Variants in UGT1A3 observed in about 807,000 individuals in gnomAD.
The protein encoded by UGT1A3 is UDP glucuronosyltransferase family 1 member A3.
UGT1A3 carries 31 observed loss-of-function variants against 41.0 expected under a neutral mutation model. That is an observed-to-expected ratio of 0.76 (90% confidence interval 0.57 to 1.02). UGT1A3 has a LOEUF of 1.02. UGT1A3 is among the 50% of genes least tolerant of loss of function. UGT1A3 has a pLI of 0.00. For synonymous variants in UGT1A3, 262 were observed against 257.6 expected (o/e 1.02, Z -0.17); for missense variants, 737 against 671.0 (o/e 1.10, Z -1.09).
chr2:233,744,004 C>A, intron 1 of UGT1A3: 1 of 1,163,748 alleles, frequency 8.6e-7, no homozygotes, highest in Non-Finnish European at 1.1e-6. Context: ...TGCTCGGAGA[C>A]CTGGGCCGCC....
intron 1 of UGT1A3, among the ~76,000 whole-genome samples, chr2:233,739,419 C>T (rs1027033873): frequency 2.0e-5 from 3 of 152,176 alleles, no homozygotes; most frequent in African/African-American, 4.8e-5. Flanking sequence ...TGAAAGCAGC[C>T]AGGACGAGGG....
intron 1 of UGT1A3, among the ~76,000 whole-genome samples, chr2:233,752,117 A>T (rs910162092): frequency 3.9e-5 from 6 of 152,242 alleles, no homozygotes. Context: ...GAGGAGAAGA[A>T]GATGATGGAC....
At chr2:233,762,567 G>A (rs1279617671) in intron 1 of UGT1A3, among the ~76,000 whole-genome samples, 2 of 152,176 alleles carry the variant, frequency 1.3e-5, no homozygotes, top group Non-Finnish European at 2.9e-5. Flanking sequence ...ATCTAGTCTA[G>A]TTCCCCACAG....
Position 233,729,669 on chromosome 2 carries a change from C to T in UGT1A3, c.543C>T (p.Asp181=). The change falls in exon 1 of 5, where the codon GAC becomes GAT. Residue 181 remains aspartate, a synonymous_variant. Coordinates refer to ENST00000482026, the MANE Select transcript of UGT1A3 (RefSeq NM_019093.4). ...FFLRNIPCDL[D]FKGTQCPNPS... is the part of the protein sequence containing the mutation. ...TGAGGAACATTCCATGTGATTTAGA[C>T]TTTAAGGGCACACAGTGTCCAAACC... 1 of 1,613,910 alleles carries T rather than the reference C, an allele frequency of 6.2e-7. No homozygotes were observed. Among genetic ancestry groups the T allele is most frequent in the Non-Finnish European group, 8.5e-7 (1 of 1,179,856 alleles).
At chr2:233,742,031 C>T (rs1309709104) in intron 1 of UGT1A3, 1 of 151,878 alleles carries the variant, frequency 6.6e-6, no homozygotes, top group African/African-American at 2.4e-5. Context: ...TTTGATATGT[C>T]CCAAGCATAG....
At chr2:233,762,169 G>A (rs1019594932) in intron 1 of UGT1A3, among the ~76,000 whole-genome samples, 34 of 152,020 alleles carry the variant, frequency 2.2e-4, no homozygotes, top group Non-Finnish European at 2.4e-4. Flanking sequence ...CACTGTATGC[G>A]GCGTCCTCAA....
In UGT1A3 at chr2:233,760,331, T is replaced by G. The variant is rs111033541; in HGVS notation, c.868-6703T>G. ...GGCGGACGCCCACTTGTCCTGGGCCTGCTGCTGTGTGTGCTGGGCCCAGTG... is the reference window on the plus strand; with the variant it reads ...GGCGGACGCCCACTTGTCCTGGGCCGGCTGCTGTGTGTGCTGGGCCCAGTG... On this transcript the variant is annotated intron_variant, in intron 1 of 4. Transcript: ENST00000482026. 1.9e-6 allele frequency: 3 copies of G among 1,614,080 alleles called. No individual in the cohort carries two copies. Among genetic ancestry groups the G allele is most frequent in the Non-Finnish European group, 2.5e-6 (3 of 1,179,954 alleles).
chr2:233,747,367 A>T (rs752238909), intron 1 of UGT1A3: 40 of 1,604,286 alleles, frequency 2.5e-5, no homozygotes, highest in Non-Finnish European at 3.4e-5. Context: ...CGGGAGCTCC[A>T]TGCCAGAGGC....
At chr2:233,740,578 C>A (rs1384729734) in intron 1 of UGT1A3, 2 of 151,730 alleles carry the variant, frequency 1.3e-5, no homozygotes, top group Non-Finnish European at 2.9e-5. Flanking sequence ...TTTTTTGGGA[C>A]CCTAATGAAA....
Position 233,729,783 on chromosome 2 carries a change from C to T in UGT1A3, c.657C>T (p.Ala219=), listed in dbSNP as rs761502728. The change falls in exon 1 of 5, where the codon GCC becomes GCT. Residue 219 remains alanine, a synonymous_variant. Coordinates refer to ENST00000482026, the MANE Select transcript of UGT1A3 (RefSeq NM_019093.4). ...QRVKNMLYPL[A]LSYICHAFSA... is the part of the protein sequence containing the mutation. Reference sequence around the variant, plus strand: ...TCAAGAACATGCTCTACCCTCTGGCCCTGTCCTACATTTGCCATGCTTTTT... The same window carrying T: ...TCAAGAACATGCTCTACCCTCTGGCTCTGTCCTACATTTGCCATGCTTTTT... 6 of 1,613,820 alleles carry T rather than the reference C, an allele frequency of 3.7e-6. No homozygotes were observed. In the Admixed American group the frequency reaches 8.3e-5, roughly 22 times the overall value.
intron 1 of UGT1A3, among the ~76,000 whole-genome samples, chr2:233,759,845 G>C (rs1454775636): frequency 6.6e-6 from 1 of 152,146 alleles, no homozygotes; most frequent in Non-Finnish European, 1.5e-5. Context: ...CACTCTTACA[G>C]GTTTCCATGG....
chr2:233,761,872 G>A (rs1697885478), intron 1 of UGT1A3, among the ~76,000 whole-genome samples: 1 of 152,232 alleles, frequency 6.6e-6, no homozygotes, highest in Admixed American at 6.5e-5. Context: ...ATTTCAGAGA[G>A]CGTTCATTCA....
At chr2:233,763,737 C>T (rs1348809742) in intron 1 of UGT1A3, among the ~76,000 whole-genome samples, 2 of 152,090 alleles carry the variant, frequency 1.3e-5, no homozygotes, top group East Asian at 1.9e-4. Context: ...CTGGCATTGG[C>T]GTGTCTTTGG....
chr2:233,760,217 A>G, intron 1 of UGT1A3: 3 of 1,593,674 alleles, frequency 1.9e-6, no homozygotes, highest in Non-Finnish European at 2.6e-6. Context: ...AACTTGGTGT[A>G]TCGATTGGTT....
chr2:233,731,991 A>G (rs989443870), intron 1 of UGT1A3, among the ~76,000 whole-genome samples: 3 of 152,160 alleles, frequency 2.0e-5, no homozygotes, highest in Non-Finnish European at 2.9e-5. Context: ...CTGGCGTGAG[A>G]TGGTATCTCA....
intron 1 of UGT1A3, among the ~76,000 whole-genome samples, chr2:233,758,654 A>G (rs1263947791): frequency 6.6e-6 from 1 of 152,140 alleles, no homozygotes; most frequent in Non-Finnish European, 1.5e-5. Flanking sequence ...ATGAGAGGGT[A>G]CCCTAATTAC....
rs1375960685 is a variant in UGT1A3 at position 233,768,542 on chromosome 2, T to C, written c.1307+103T>C. On this transcript the variant is annotated intron_variant, in intron 4 of 4. Coordinates refer to ENST00000482026, the MANE Select transcript of UGT1A3 (RefSeq NM_019093.4). ...TAGCATTTAATAGCGTTGTTTCAAA[T>C]ATAAAAACAAATACATAAAAATCTG... 2.1e-6 allele frequency: 3 copies of C among 1,457,940 alleles called. No individual in the cohort carries two copies. In the African/African-American group the frequency reaches 4.3e-5, roughly 21 times the overall value. The allele number at this position is 1,457,940 out of a possible 1,614,324, so 90.3% of individuals were successfully genotyped here.
chr2:233,759,541 C>A (rs1020987350), intron 1 of UGT1A3, among the ~76,000 whole-genome samples: 1 of 152,092 alleles, frequency 6.6e-6, no homozygotes, highest in Non-Finnish European at 1.5e-5. Flanking sequence ...TGTTCACATG[C>A]GCTCCAGTGA....
chr2:233,729,424 T>C lies in UGT1A3; in HGVS notation c.298T>C (p.Tyr100His), dbSNP rs371703949. 59 of 1,613,782 alleles carry C rather than the reference T, an allele frequency of 3.7e-5. No homozygotes were observed. The highest frequency in any genetic ancestry group is 4.8e-5 in the Non-Finnish European group (57 of 1,179,838). ...CCATGTGCTGGGCCACACTCAACTGTACTTTGAAACAGAACATTTTCTGAA... is the reference window on the plus strand; with the variant it reads ...CCATGTGCTGGGCCACACTCAACTGCACTTTGAAACAGAACATTTTCTGAA... ...DRHVLGHTQL[Y>H]FETEHFLKKF... The change falls in exon 1 of 5, where the codon TAC becomes CAC. Residue 100 changes from tyrosine to histidine, a missense_variant. Physicochemically the swap from Tyr to His is moderately conservative, Grantham distance 83 (BLOSUM62 2). Coordinates refer to ENST00000482026, the MANE Select transcript of UGT1A3 (RefSeq NM_019093.4).
Sources: gnomAD v4.1 joint callset for allele counts (sites outside exome capture counted in the v4.1 genomes callset) on GRCh38, gnomAD v4.1.1 for gene constraint, MANE v1.5 for transcripts, NCBI Gene and HGNC (gene_info 2026-07-23, HGNC 2026-07-21) for gene names.